The following GALNTL6 variants were observed in gnomAD, a reference collection of about 807,000 sequenced individuals.
GALNTL6 encodes polypeptide N-acetylgalactosaminyltransferase like 6.
In GALNTL6, 46 loss-of-function variants were observed where a neutral mutation model predicts 73.7. That is an observed-to-expected ratio of 0.62 (90% CI 0.49 to 0.80). The LOEUF is 0.80. GALNTL6 is among the 30% of genes least tolerant of loss of function. GALNTL6 has a pLI of 0.00. For missense variants in GALNTL6, 604 were observed against 755.0 expected (o/e 0.80, Z 2.34); for synonymous variants, 259 against 263.7 (o/e 0.98, Z 0.17).
chr4:172,245,929 A>G (rs1303061013), intron 3 of GALNTL6, among the ~76,000 whole-genome samples: 1 of 152,172 alleles, frequency 6.6e-6, no homozygotes, highest in Non-Finnish European at 1.5e-5. Context: ...CATGCCAGAC[A>G]AAAAACAACT....
chr4:172,317,395 G>T (rs899524392), intron 4 of GALNTL6, among the ~76,000 whole-genome samples: 8 of 152,096 alleles, frequency 5.3e-5, no homozygotes, highest in African/African-American at 1.9e-4. Context: ...TATTAAAATT[G>T]GGGCAAGGTT....
intron 5 of GALNTL6, among the ~76,000 whole-genome samples, chr4:172,683,658 G>A (rs998623499): frequency 6.6e-6 from 1 of 152,134 alleles, no homozygotes; most frequent in African/African-American, 2.4e-5. Context: ...CGATATTGCA[G>A]TCAGAAATGT....
chr4:172,980,777 G>A (rs1472573251), intron 10 of GALNTL6, among the ~76,000 whole-genome samples: 1 of 152,134 alleles, frequency 6.6e-6, no homozygotes, highest in Non-Finnish European at 1.5e-5. Context: ...TTGACGGTTA[G>A]GGCTTCAACA....
intron 4 of GALNTL6, among the ~76,000 whole-genome samples, chr4:172,342,026 A>T (rs1301521346): frequency 6.6e-6 from 1 of 152,146 alleles, no homozygotes; most frequent in Non-Finnish European, 1.5e-5. Context: ...TGCATAGTGG[A>T]CACTATTTCT....
intron 5 of GALNTL6, among the ~76,000 whole-genome samples, chr4:172,791,919 G>A (rs1265142861): frequency 1.3e-5 from 2 of 152,174 alleles, no homozygotes; most frequent in Non-Finnish European, 2.9e-5. Context: ...GCCTAGTCTT[G>A]GCATTCTACT....
chr4:172,654,266 C>T (rs1730859064), intron 5 of GALNTL6, among the ~76,000 whole-genome samples: 1 of 152,292 alleles, frequency 6.6e-6, no homozygotes, highest in South Asian at 2.1e-4. Flanking sequence ...AGCTCCGTGG[C>T]TGTGCACTGT....
chr4:172,849,344 A>G (rs543988473), intron 7 of GALNTL6, among the ~76,000 whole-genome samples: 1 of 152,298 alleles, frequency 6.6e-6, no homozygotes, highest in African/African-American at 2.4e-5. Context: ...TCAGAAAATA[A>G]CAAAAGAAAG....
chr4:172,009,480 A>C (rs1740938738), intron 2 of GALNTL6, among the ~76,000 whole-genome samples: 1 of 152,072 alleles, frequency 6.6e-6, no homozygotes. Flanking sequence ...ACACTTTGAC[A>C]TATATGACTG....
At chr4:171,924,613 C>T (rs1340442780) in intron 2 of GALNTL6, among the ~76,000 whole-genome samples, 1 of 152,138 alleles carries the variant, frequency 6.6e-6, no homozygotes, top group Non-Finnish European at 1.5e-5. Context: ...CGATCAGGTG[C>T]TATTCATCTT....
chr4:172,200,897 T>G (rs1735929587), intron 2 of GALNTL6, among the ~76,000 whole-genome samples: 1 of 152,190 alleles, frequency 6.6e-6, no homozygotes, highest in Non-Finnish European at 1.5e-5. Context: ...AAAAATAAAC[T>G]ATCACTTTAA....
intron 2 of GALNTL6, among the ~76,000 whole-genome samples, chr4:171,901,846 C>T (rs2110944089): frequency 6.6e-6 from 1 of 152,130 alleles, no homozygotes; most frequent in Admixed American, 6.5e-5. Flanking sequence ...AATATTGTCT[C>T]ACACAAAGTT....
chr4:172,395,040 G>A (rs1743799416), intron 5 of GALNTL6, among the ~76,000 whole-genome samples: 1 of 152,116 alleles, frequency 6.6e-6, no homozygotes, highest in African/African-American at 2.4e-5. Context: ...GTGTTATCAG[G>A]ATTATTGATA....
intron 2 of GALNTL6, among the ~76,000 whole-genome samples, chr4:172,146,295 G>T (rs758220094): frequency 5.3e-5 from 8 of 152,038 alleles, no homozygotes; most frequent in Non-Finnish European, 1.2e-4. Context: ...ATGACAATAA[G>T]GATTTGACTT....
At chr4:172,984,635 G>C (rs553463742) in intron 10 of GALNTL6, among the ~76,000 whole-genome samples, 20 of 152,266 alleles carry the variant, frequency 1.3e-4, no homozygotes, top group Admixed American at 7.8e-4. Flanking sequence ...GGCGAGGACG[G>C]CAAAGCCTGG....
At chr4:172,627,927 G>C (rs1739231264) in intron 5 of GALNTL6, among the ~76,000 whole-genome samples, 1 of 60,080 alleles carries the variant, frequency 1.7e-5, no homozygotes, top group African/African-American at 6.7e-5. Flanking sequence ...TATTGATCTT[G>C]TTTATCCTTT....
At chr4:172,976,447 C>A (rs1324183298) in intron 10 of GALNTL6, among the ~76,000 whole-genome samples, 5 of 152,172 alleles carry the variant, frequency 3.3e-5, no homozygotes, top group African/African-American at 7.2e-5. Flanking sequence ...ATAAGTATAT[C>A]CCTGCAGGGG....
At chr4:172,938,704 C>G (rs73002072) in intron 9 of GALNTL6, among the ~76,000 whole-genome samples, 351 of 152,278 alleles carry the variant, frequency 2.3e-3, no homozygotes, top group African/African-American at 5.7e-3. Flanking sequence ...CTCTCTCCTG[C>G]TCTTAAAACT....
intron 5 of GALNTL6, among the ~76,000 whole-genome samples, chr4:172,367,592 A>G (rs781643350): frequency 1.3e-5 from 2 of 152,218 alleles, no homozygotes; most frequent in African/African-American, 4.8e-5. Context: ...TGTTGCTTCT[A>G]TCTGGCATTG....
At chr4:172,886,233 T>C (rs1745711128) in intron 8 of GALNTL6, among the ~76,000 whole-genome samples, 1 of 152,194 alleles carries the variant, frequency 6.6e-6, no homozygotes, top group South Asian at 2.1e-4. Flanking sequence ...TATTGATCTC[T>C]TCAGGTTTTC....
Sources: gnomAD v4.1 joint callset for allele counts (sites outside exome capture counted in the v4.1 genomes callset) on GRCh38, gnomAD v4.1.1 for gene constraint, MANE v1.5 for transcripts, NCBI Gene and HGNC (gene_info 2026-07-23, HGNC 2026-07-21) for gene names.